Variants in SIRPA observed in about 807,000 individuals in gnomAD.
SIRPA encodes signal regulatory protein alpha.
SIRPA carries 9 observed loss-of-function variants against 50.3 expected under a neutral mutation model. The ratio of observed to expected loss-of-function variants is 0.18; its 90% CI spans 0.11 to 0.31. The LOEUF (loss-of-function observed/expected upper bound fraction) is 0.31. Ranked by LOEUF, SIRPA falls within the 10% of genes least tolerant of loss-of-function variation. SIRPA has a pLI of 1.00. For missense variants in SIRPA, 474 were observed against 661.6 expected, an observed-to-expected ratio of 0.72 and a Z score of 3.11; for synonymous variants, 265 against 284.1, an observed-to-expected ratio of 0.93 and a Z score of 0.68.
chr20:1,903,071 G>T (rs1294984434), intron 1 of SIRPA, among the ~76,000 whole-genome samples: 1 of 151,832 alleles, frequency 6.6e-6, no homozygotes. Context: ...AGCCACGGGG[G>T]ATAGCAAGAG....
At position 1,924,794 on chromosome 20, in the gene SIRPA, A is replaced by C; in HGVS notation, c.1118A>C (p.Tyr373Ser). Residue 373 changes from tyrosine to serine, a missense_variant, in exon 5 of 8, where the codon TAT becomes TCT. This residue lies in a region of SIRPA where 180 missense variants were observed against 206.7 expected (regional missense o/e 0.87). Coordinates refer to ENST00000358771, the MANE Select transcript of SIRPA (RefSeq NM_001040023.2). The surrounding 1 kb of genome is among the most constrained non-coding windows in gnomAD (Gnocchi z 4.5). ...ACTGGATCTAATGAACGGAACATCT[A>C]TATTGTGGTGGGTGTGGTGTGCACC... is the stretch of plus-strand genomic sequence containing the variant. ...ENTGSNERNIYIVVGVVCTLL... is the reference protein window; with the variant it reads ...ENTGSNERNISIVVGVVCTLL... 6.2e-7 allele frequency: 1 copy of C among 1,614,096 alleles called. No homozygotes were observed. Among genetic ancestry groups the C allele is most frequent in the Non-Finnish European group, 8.5e-7 (1 of 1,180,008 alleles).
chr20:1,939,713 A>G lies in SIRPA; in HGVS notation c.*2145A>G, dbSNP rs568706140. 3 of 152,726 alleles carry G rather than the reference A, an allele frequency of 2.0e-5. No individual in the cohort carries two copies. The South Asian group carries it at 6.2e-4, about 32-fold the overall frequency. 9.5% of individuals were successfully genotyped at this position (152,726 alleles called of 1,614,324 possible). On this transcript the variant is annotated 3_prime_UTR_variant, in exon 8 of 8. Coordinates refer to ENST00000358771, the MANE Select transcript of SIRPA (RefSeq NM_001040023.2). This position sits in a 1 kb window ranked among gnomAD's most constrained non-coding sequence, Gnocchi z 4.7. ...GCCTGGCAACCTGGAGAATCCACAT[A>G]CCTTGTGTATTGAACCCCAGGAAAA...
rs2122224130 is a variant in SIRPA, at chr20:1,939,458, C to T, written c.*1890C>T. ...TGTGGCATCTGGGAGCCACAGTGAC[C>T]CAGCCACCTGGCTCAGGCTAGTTCC... is the stretch of plus-strand genomic sequence containing the variant. On this transcript the variant is annotated 3_prime_UTR_variant, in exon 8 of 8. Transcript: ENST00000358771. The surrounding 1 kb of genome is among the most constrained non-coding windows in gnomAD (Gnocchi z 4.7). The T allele has an allele frequency of 6.6e-6, 1 of 152,306 alleles. No individual in the cohort carries two copies. Among genetic ancestry groups the T allele is most frequent in the South Asian group, 2.1e-4 (1 of 4,820 alleles). 9.4% of individuals were successfully genotyped at this position (152,306 alleles called of 1,614,324 possible).
At position 1,898,491 on chromosome 20, in the gene SIRPA, G is replaced by T. The variant is rs548597214; in HGVS notation, c.79+2965G>T. 5.3e-5 allele frequency among the ~76,000 whole-genome samples: 8 copies of T among 152,234 alleles called. No individual in the cohort carries two copies. In the South Asian group the frequency reaches 1.5e-3, roughly 28 times the overall value. ...AGATAGTTAATGGCGTTCCAGGCCG[G>T]ATGCTGCTCCTGCGTCGTCTCACCC... is the stretch of plus-strand genomic sequence containing the variant. On this transcript the variant is annotated intron_variant, in intron 1 of 7. Transcript: ENST00000358771. This position sits in a 1 kb window ranked among gnomAD's most constrained non-coding sequence, Gnocchi z 4.3.
Position 1,934,610 on chromosome 20 carries a change from C to A in SIRPA, c.1227-105C>A. ...TCTGTTATGAGTCCTTCGTTCATGT[C>A]CTCAACCCATATAGAAAATGGAGCC... On this transcript the variant is annotated intron_variant, in intron 6 of 7. Transcript: ENST00000358771. The surrounding 1 kb of genome is among the most constrained non-coding windows in gnomAD (Gnocchi z 4.6). The A allele has an allele frequency of 1.8e-6, 2 of 1,092,234 alleles. No individual in the cohort carries two copies. The highest frequency in any genetic ancestry group is 2.8e-6 in the Non-Finnish European group (2 of 717,898). 67.7% of individuals were successfully genotyped at this position (1,092,234 alleles called of 1,614,324 possible). A position where few individuals can be genotyped will look rare whatever the true frequency, so the allele number is the denominator to read the frequency against.
At chr20:1,894,731 G>A (rs1983652263), upstream of SIRPA, 1 of 148,510 alleles carries the variant, frequency 6.7e-6, no homozygotes, top group Non-Finnish European at 1.5e-5. This position sits in a 1 kb window ranked among gnomAD's most constrained non-coding sequence, Gnocchi z 4.0. Context: ...CCCCGGCCGG[G>A]CGCGCAGCTC....
chr20:1,910,592 G>T (rs1984830345), intron 1 of SIRPA, among the ~76,000 whole-genome samples: 1 of 152,136 alleles, frequency 6.6e-6, no homozygotes, highest in Non-Finnish European at 1.5e-5. Context: ...GCAGGAGCTG[G>T]GGAAACAGTG....
Position 1,933,780 on chromosome 20 carries a change from T to C in SIRPA, c.1227-935T>C, listed in dbSNP as rs1180141357. Among the ~76,000 whole-genome samples, 1 of 152,206 alleles carries C rather than the reference T, an allele frequency of 6.6e-6. No individual in the cohort carries two copies. Among genetic ancestry groups the C allele is most frequent in the Non-Finnish European group, 1.5e-5 (1 of 68,046 alleles). ...CCCCGGGGTTGCCGGCTTGAGAATT[T>C]ACACAACTTCTGCCAAGCCAGTGGC... is the stretch of plus-strand genomic sequence containing the variant. On this transcript the variant is annotated intron_variant, in intron 6 of 7. Transcript: ENST00000358771. This position sits in a 1 kb window ranked among gnomAD's most constrained non-coding sequence, Gnocchi z 4.4.
rs925869536 is a variant in SIRPA, at chr20:1,928,642, G to A, written c.1226+743G>A. Among the ~76,000 whole-genome samples, 4 of 152,166 alleles carry A rather than the reference G, an allele frequency of 2.6e-5. No individual in the cohort carries two copies. The highest frequency in any genetic ancestry group is 4.4e-5 in the Non-Finnish European group (3 of 68,040). The stretch of plus-strand genomic sequence containing the variant: ...AGGAGATGGAGGTGAATGGTGGGGG[G>A]CTGTCTTAGGCAGAGGAAGGGACTG... On this transcript the variant is annotated intron_variant, in intron 6 of 7. Transcript: ENST00000358771. The surrounding 1 kb of genome is among the most constrained non-coding windows in gnomAD (Gnocchi z 4.9).
chr20:1,907,112 G>A (rs936407882), intron 1 of SIRPA, among the ~76,000 whole-genome samples: 1 of 152,198 alleles, frequency 6.6e-6, no homozygotes, highest in Admixed American at 6.5e-5. Context: ...CTGCATGGAT[G>A]GGGCCACCAG....
chr20:1,909,375 C>T (rs1984746534), intron 1 of SIRPA, among the ~76,000 whole-genome samples: 1 of 152,236 alleles, frequency 6.6e-6, no homozygotes, highest in Non-Finnish European at 1.5e-5. Context: ...TGGCTTCCTT[C>T]TCCCCACCCC....
rs532625531 is a variant in SIRPA at position 1,932,437 on chromosome 20, C to G, written c.1227-2278C>G. Among the ~76,000 whole-genome samples, 1 of 152,150 alleles carries G rather than the reference C, an allele frequency of 6.6e-6. No individual in the cohort carries two copies. The highest frequency in any genetic ancestry group is 2.1e-4 in the South Asian group (1 of 4,838). On this transcript the variant is annotated intron_variant, in intron 6 of 7. Transcript: ENST00000358771. The surrounding 1 kb of genome is among the most constrained non-coding windows in gnomAD (Gnocchi z 6.0). ...AAAGGGAACAGCCAGTGCCAAGACC[C>G]TGAGACGGGAGCAGTCAGATGCATG...
In SIRPA at chr20:1,934,501, T is replaced by C. The variant is rs1374966026; in HGVS notation, c.1227-214T>C. ...TAAAGATCCTTGCCAATAGAGTAGG[T>C]TAAAAAAATGATAGTGCATTGCTTA... is the stretch of plus-strand genomic sequence containing the variant. On this transcript the variant is annotated intron_variant, in intron 6 of 7. Transcript: ENST00000358771. The surrounding 1 kb of genome is among the most constrained non-coding windows in gnomAD (Gnocchi z 4.6). Among the ~76,000 whole-genome samples, 3 of 152,182 alleles carry C rather than the reference T, an allele frequency of 2.0e-5. No homozygotes were observed. The highest frequency in any genetic ancestry group is 2.0e-4 in the Admixed American group (3 of 15,274).
chr20:1,909,972 C>G (rs1027045340), intron 1 of SIRPA, among the ~76,000 whole-genome samples: 2 of 152,192 alleles, frequency 1.3e-5, no homozygotes, highest in African/African-American at 2.4e-5. Flanking sequence ...GGTGGTCACA[C>G]CCTCCTTGGC....
Position 1,934,817 on chromosome 20 carries a change from C to T in SIRPA, c.1266+63C>T, listed in dbSNP as rs941650234. 133 of 1,565,292 alleles carry T rather than the reference C, an allele frequency of 8.5e-5. No individual in the cohort carries two copies. The highest frequency in any genetic ancestry group is 1.1e-4 in the Non-Finnish European group (122 of 1,136,220). On this transcript the variant is annotated intron_variant, in intron 7 of 7. Coordinates refer to ENST00000358771, the MANE Select transcript of SIRPA (RefSeq NM_001040023.2). The surrounding 1 kb of genome is among the most constrained non-coding windows in gnomAD (Gnocchi z 4.6). ...CGTGGCGTGGTTGCTTCACATCAAC[C>T]GGAATTGCAGATCTGGTTCTAAATT...
intron 2 of SIRPA, 69 bp from the exon 3 acceptor site, chr20:1,921,326 T>C: frequency 6.2e-7 from 1 of 1,608,570 alleles, no homozygotes. Context: ...GTTCTTAACG[T>C]GTCACACACT....
chr20:1,897,994 G>A (rs1380097146), intron 1 of SIRPA, among the ~76,000 whole-genome samples: 3 of 152,338 alleles, frequency 2.0e-5, no homozygotes, highest in Middle Eastern at 3.4e-3. Flanking sequence ...TGTCAGCAGG[G>A]CCTGACGCTG....
At chr20:1,929,163 C>T (rs768858148) in intron 6 of SIRPA, among the ~76,000 whole-genome samples, 3 of 151,954 alleles carry the variant, frequency 2.0e-5, no homozygotes, top group Non-Finnish European at 2.9e-5. Context: ...GGATTTTATC[C>T]GCAGTGGGAT....
intron 1 of SIRPA, among the ~76,000 whole-genome samples, chr20:1,900,882 C>T (rs990598627): frequency 3.9e-4 from 59 of 152,320 alleles, no homozygotes; most frequent in African/African-American, 1.4e-3. Context: ...CTCACAGCCA[C>T]CTGGCGATGC....
Sources: allele counts gnomAD v4.1 joint callset (sites outside exome capture counted in the v4.1 genomes callset), GRCh38; gene constraint gnomAD v4.1.1; regional missense constraint gnomAD v4.1.1; non-coding constraint Gnocchi (gnomAD v3.1); transcripts MANE v1.5; gene names NCBI Gene and HGNC (gene_info 2026-07-23, HGNC 2026-07-21).